The following INPP4B variants were observed in gnomAD, a reference collection of about 807,000 sequenced individuals.
INPP4B encodes the protein inositol polyphosphate-4-phosphatase type II B.
In INPP4B, 55 loss-of-function variants were observed where a neutral mutation model predicts 122.5. The observed-to-expected ratio is 0.45, with a 90% confidence interval of 0.36 to 0.56. The LOEUF is 0.56. Ranked by LOEUF, INPP4B falls within the 20% of genes least tolerant of loss-of-function variation. The probability of loss-of-function intolerance (pLI) is 0.00; values close to 1 mark genes in which losing one functional copy is unlikely to be tolerated. For synonymous variants in INPP4B, 403 were observed against 388.7 expected (o/e 1.04, Z -0.43); for missense variants, 1,000 against 1,097.7 (o/e 0.91, Z 1.26).
chr4:142,614,186 C>G (rs1297418637), intron 2 of INPP4B, among the ~76,000 whole-genome samples: 1 of 152,084 alleles, frequency 6.6e-6, no homozygotes. Context: ...CCACTGCACT[C>G]CAGCCAACAT....
At chr4:142,281,759 C>T (rs1040365700) in intron 9 of INPP4B, among the ~76,000 whole-genome samples, 2 of 151,940 alleles carry the variant, frequency 1.3e-5, no homozygotes, top group Admixed American at 1.3e-4. Flanking sequence ...TTCTTAATCC[C>T]TGTATTTTTA....
At chr4:142,123,049 A>G (rs1301996376) in intron 20 of INPP4B, among the ~76,000 whole-genome samples, 1 of 152,110 alleles carries the variant, frequency 6.6e-6, no homozygotes, top group Non-Finnish European at 1.5e-5. Context: ...AGCCTTTTAT[A>G]TTAAAAAAGC....
At position 142,324,544 on chromosome 4, in the gene INPP4B, C is replaced by G. The variant is rs145427469; in HGVS notation, c.373-9782G>C. 1.1e-4 allele frequency among the ~76,000 whole-genome samples: 16 copies of G among 152,276 alleles called. No homozygotes were observed. The East Asian group carries it at 2.5e-3, about 24-fold the overall frequency. ...CTCCAAAACTGTCATTCCAACTATG[C>G]ATGAAAACCCAAATCTCTGCTGAGT... On this transcript the variant is annotated intron_variant, in intron 7 of 25. Coordinates refer to ENST00000262992, the MANE Select transcript of INPP4B (RefSeq NM_001101669.3).
chr4:142,739,095 A>C (rs1377482974), intron 1 of INPP4B, among the ~76,000 whole-genome samples: 3 of 152,112 alleles, frequency 2.0e-5, no homozygotes, highest in Non-Finnish European at 4.4e-5. Flanking sequence ...AAAACCCTCA[A>C]AGAGAAATAT....
At chr4:142,808,306 CA>C (rs1473712964) in intron 1 of INPP4B, among the ~76,000 whole-genome samples, 1 of 149,512 alleles carries the variant, frequency 6.7e-6, no homozygotes, top group Non-Finnish European at 1.5e-5. Flanking sequence ...TTTAAATGGA[CA>C]GTAAAAATGC....
intron 12 of INPP4B, among the ~76,000 whole-genome samples, chr4:142,220,334 A>C (rs1180768982): frequency 2.0e-5 from 3 of 152,248 alleles, no homozygotes; most frequent in Non-Finnish European, 4.4e-5. Flanking sequence ...TTTTCTTTGA[A>C]TATGCATTGG....
At chr4:142,125,195 G>T (rs761629357) in intron 18 of INPP4B, among the ~76,000 whole-genome samples, 1 of 151,898 alleles carries the variant, frequency 6.6e-6, no homozygotes, top group East Asian at 2.0e-4. Flanking sequence ...CATGCCCATC[G>T]TTGTTTATTG....
At chr4:142,258,613 T>A (rs914817151) in intron 11 of INPP4B, among the ~76,000 whole-genome samples, 10 of 152,206 alleles carry the variant, frequency 6.6e-5, no homozygotes, top group African/African-American at 2.4e-4. Flanking sequence ...ATGCTCACCA[T>A]CACTGGTCAT....
At chr4:142,575,725 A>T (rs1427565287) in intron 2 of INPP4B, among the ~76,000 whole-genome samples, 1 of 152,110 alleles carries the variant, frequency 6.6e-6, no homozygotes, top group African/African-American at 2.4e-5. Context: ...CTTCAATCTC[A>T]TGCCCATGTC....
rs991727279 is a variant in INPP4B, at chr4:142,123,356, G to A, written c.1953C>T (p.Gly651=). ...IKLQTSLYDP[G]FLQQLHTVGL... ...CCACTGTGTGAAGCTGCTGTAGGAAGCCTGGGTCATACAGACTTGTCTGTA... is the reference window on the plus strand; with the variant it reads ...CCACTGTGTGAAGCTGCTGTAGGAAACCTGGGTCATACAGACTTGTCTGTA... The change falls in exon 20 of 26, where the codon GGC becomes GGT. Residue 651 remains glycine (G), a synonymous_variant. Transcript: ENST00000262992. The A allele has an allele frequency of 4.3e-6, 7 of 1,612,562 alleles. 1 individual carries two copies. The East Asian group carries it at 1.3e-4, about 31-fold the overall frequency.
At chr4:142,366,962 G>A (rs1220865107) in intron 7 of INPP4B, among the ~76,000 whole-genome samples, 1 of 152,098 alleles carries the variant, frequency 6.6e-6, no homozygotes, top group East Asian at 1.9e-4. Context: ...TGCAAGAAGT[G>A]CTAGTGAAAC....
At chr4:142,150,859 A>T (rs1813520459) in intron 17 of INPP4B, among the ~76,000 whole-genome samples, 1 of 152,216 alleles carries the variant, frequency 6.6e-6, no homozygotes, top group South Asian at 2.1e-4. Context: ...AACTTAAAAA[A>T]TATATTCCGT....
intron 15 of INPP4B, among the ~76,000 whole-genome samples, chr4:142,186,095 A>T (rs1833087073): frequency 6.6e-6 from 1 of 152,152 alleles, no homozygotes; most frequent in Non-Finnish European, 1.5e-5. Flanking sequence ...CAATCAATAA[A>T]ATCCTACTTA....
chr4:142,444,007 TA>T (rs1248840223), intron 3 of INPP4B, among the ~76,000 whole-genome samples: 2 of 152,144 alleles, frequency 1.3e-5, no homozygotes, highest in African/African-American at 4.8e-5. Flanking sequence ...GGGAATATGC[TA>T]AAAACTCTAG....
At chr4:142,449,062 G>C (rs1813565957) in intron 3 of INPP4B, among the ~76,000 whole-genome samples, 1 of 152,106 alleles carries the variant, frequency 6.6e-6, no homozygotes, top group Non-Finnish European at 1.5e-5. Context: ...CAGGATGTCA[G>C]TATGGTTTTG....
At chr4:142,157,522 A>G (rs1157207590) in intron 17 of INPP4B, among the ~76,000 whole-genome samples, 1 of 152,156 alleles carries the variant, frequency 6.6e-6, no homozygotes, top group Non-Finnish European at 1.5e-5. Flanking sequence ...AGAAACAATG[A>G]GTTCAGAAGG....
chr4:142,539,528 G>T (rs888185053), intron 2 of INPP4B, among the ~76,000 whole-genome samples: 3 of 151,890 alleles, frequency 2.0e-5, no homozygotes, highest in African/African-American at 4.8e-5. Context: ...TCCCTTTGCC[G>T]CTCCCTTCCT....
intron 2 of INPP4B, among the ~76,000 whole-genome samples, chr4:142,659,112 G>A (rs11944455): frequency 0.65 from 99,300 of 151,696 alleles, 33,665 homozygotes; most frequent in East Asian, 0.81. Context: ...ACAAAAATGA[G>A]GACTGGGCAG....
Position 142,171,798 on chromosome 4 carries a change from G to C in INPP4B, c.1359+1834C>G, listed in dbSNP as rs78625420. ...ACATAGGGGAAAAAGTTGGAGCAAT[G>C]CTGGATTCAAGGAGCAGAAAATGCC... On this transcript the variant is annotated intron_variant, in intron 16 of 25. Transcript: ENST00000262992. Among the ~76,000 whole-genome samples the C allele has an allele frequency of 2.7e-3, 404 of 151,950 alleles. 6 individuals are homozygous for C. The East Asian group carries it at 0.033, about 12-fold the overall frequency.
Sources: gnomAD v4.1 joint callset for allele counts (sites outside exome capture counted in the v4.1 genomes callset) on GRCh38, gnomAD v4.1.1 for gene constraint, MANE v1.5 for transcripts, NCBI Gene and HGNC (gene_info 2026-07-23, HGNC 2026-07-21) for gene names.